Variants in ADGRB3 observed in about 807,000 individuals in gnomAD.
ADGRB3 encodes brain-specific angiogenesis inhibitor 3.
ADGRB3 carries 37 observed loss-of-function variants against 193.4 expected under a neutral mutation model. That is an observed-to-expected ratio of 0.19 (90% CI 0.15 to 0.25). ADGRB3 has a LOEUF of 0.25. ADGRB3 is among the 10% of genes least tolerant of loss of function. The pLI, the probability that ADGRB3 is intolerant of heterozygous loss-of-function variation, is 1.00. For missense variants in ADGRB3, 1,637 were observed against 1,852.9 expected (o/e 0.88, Z 2.14); for synonymous variants, 690 against 644.2 (o/e 1.07, Z -1.08).
At chr6:68,891,703 C>G (rs1166978192) in intron 3 of ADGRB3, among the ~76,000 whole-genome samples, 1 of 152,036 alleles carries the variant, frequency 6.6e-6, no homozygotes, top group Non-Finnish European at 1.5e-5. Flanking sequence ...TGAATTTAAC[C>G]CACCTTCATA....
At chr6:69,380,012 T>A (rs1357911541) in intron 30 of ADGRB3, among the ~76,000 whole-genome samples, 1 of 152,006 alleles carries the variant, frequency 6.6e-6, no homozygotes, top group African/African-American at 2.4e-5. Context: ...TAACTTTATA[T>A]TTTTCCTGTA....
At chr6:69,365,313 C>T (rs1324018218) in intron 29 of ADGRB3, among the ~76,000 whole-genome samples, 1 of 151,970 alleles carries the variant, frequency 6.6e-6, no homozygotes, top group Non-Finnish European at 1.5e-5. Context: ...TTGGAAGCAC[C>T]TTGTATGTCT....
chr6:69,063,290 A>G (rs570386635), intron 16 of ADGRB3, among the ~76,000 whole-genome samples: 19 of 152,140 alleles, frequency 1.2e-4, no homozygotes, highest in Admixed American at 3.9e-4. Context: ...TGCTTTTTTC[A>G]TGATAAAATT....
At chr6:68,754,254 A>T (rs1766258316) in intron 3 of ADGRB3, among the ~76,000 whole-genome samples, 1 of 152,132 alleles carries the variant, frequency 6.6e-6, no homozygotes, top group South Asian at 2.1e-4. Context: ...GGAAAATTAG[A>T]CTTTTGTTAG....
At chr6:68,923,616 A>G (rs975187310) in intron 3 of ADGRB3, among the ~76,000 whole-genome samples, 4 of 152,120 alleles carry the variant, frequency 2.6e-5, no homozygotes, top group African/African-American at 9.7e-5. Context: ...AAATATGTAT[A>G]CAGTGATATT....
chr6:69,328,648 C>T (rs1312261098), intron 22 of ADGRB3, among the ~76,000 whole-genome samples: 1 of 152,066 alleles, frequency 6.6e-6, no homozygotes, highest in Admixed American at 6.6e-5. Flanking sequence ...GCCAATTAGA[C>T]CCTCTGATAG....
intron 13 of ADGRB3, among the ~76,000 whole-genome samples, chr6:69,019,749 G>C (rs1225525325): frequency 2.0e-5 from 3 of 151,952 alleles, no homozygotes; most frequent in African/African-American, 7.2e-5. Flanking sequence ...CTTTTCTCCA[G>C]AGTGGGTGTC....
rs553768617 is a variant in ADGRB3 at position 69,338,855 on chromosome 6, AT to A, written c.3189-52del. On this transcript the variant is annotated intron_variant, in intron 24 of 31. Coordinates refer to ENST00000370598, the MANE Select transcript of ADGRB3 (RefSeq NM_001704.3). ...ATTTAAAAGCTAACTTGAAGCAGCAATTTTTTTTTGGTGACAATTCAATATT... is the reference window on the plus strand; with the variant it reads ...ATTTAAAAGCTAACTTGAAGCAGCAATTTTTTTTGGTGACAATTCAATATT... 1,370 of 1,374,758 alleles carry A rather than the reference AT, an allele frequency of 1.0e-3. 1 individual carries two copies. Among genetic ancestry groups the A allele is most frequent in the Admixed American group, 1.7e-3 (84 of 50,150 alleles). The allele number at this position is 1,374,758 out of a possible 1,614,324, so 85.2% of individuals were successfully genotyped here. A position where few individuals can be genotyped will look rare whatever the true frequency, so the allele number is the denominator to read the frequency against.
At chr6:68,868,911 A>ATGTGTGTGTGTGTGTGTGTGTGTG (rs375255522) in intron 3 of ADGRB3, among the ~76,000 whole-genome samples, 6 of 139,848 alleles carry the variant, frequency 4.3e-5, no homozygotes, top group African/African-American at 1.6e-4. Flanking sequence ...CCAGATAATG[A>ATGTGTGTGTGTGTGTGTGTGTGTG]TGTGTGTGTG....
chr6:69,256,600 T>G (rs1468514598), intron 20 of ADGRB3, among the ~76,000 whole-genome samples: 1 of 152,146 alleles, frequency 6.6e-6, no homozygotes, highest in Non-Finnish European at 1.5e-5. Context: ...AAGGAGATTT[T>G]GGGCTGAGAC....
chr6:68,788,839 T>C (rs1767033539), intron 3 of ADGRB3, among the ~76,000 whole-genome samples: 1 of 152,240 alleles, frequency 6.6e-6, no homozygotes, highest in South Asian at 2.1e-4. Flanking sequence ...TGGGTGCTCC[T>C]GTATTGGGTG....
At chr6:69,274,808 C>T (rs1175995812) in intron 20 of ADGRB3, among the ~76,000 whole-genome samples, 1 of 151,988 alleles carries the variant, frequency 6.6e-6, no homozygotes, top group Non-Finnish European at 1.5e-5. Flanking sequence ...TCTTTCTTTC[C>T]ATCTGCTTCT....
At chr6:69,237,904 C>G (rs1766303272) in intron 19 of ADGRB3, among the ~76,000 whole-genome samples, 1 of 152,036 alleles carries the variant, frequency 6.6e-6, no homozygotes, top group African/African-American at 2.4e-5. Context: ...GGTTCAGCAA[C>G]CCTGAGGCCA....
At chr6:69,361,650 G>T in intron 29 of ADGRB3, 138 bp downstream of exon 29, 1 of 1,077,854 alleles carries the variant, frequency 9.3e-7, no homozygotes, top group Non-Finnish European at 1.3e-6. Flanking sequence ...TTGCAGTTTT[G>T]TATCATGAAA....
At chr6:68,771,711 A>C (rs1315215108) in intron 3 of ADGRB3, among the ~76,000 whole-genome samples, 1 of 152,126 alleles carries the variant, frequency 6.6e-6, no homozygotes. Context: ...GTCATGAAGA[A>C]AAATATAGCA....
At chr6:68,652,112 T>G (rs1768380358) in intron 3 of ADGRB3, among the ~76,000 whole-genome samples, 1 of 152,116 alleles carries the variant, frequency 6.6e-6, no homozygotes, top group South Asian at 2.1e-4. Flanking sequence ...CCACCCCTTA[T>G]GCAAGTCTTC....
chr6:68,897,493 G>A (rs1278763695), intron 3 of ADGRB3, among the ~76,000 whole-genome samples: 2 of 110,938 alleles, frequency 1.8e-5, no homozygotes, highest in African/African-American at 6.9e-5. Context: ...GAGGAAGGGA[G>A]GGAGGGAAGA....
chr6:68,951,528 G>A (rs1357849247), intron 6 of ADGRB3, among the ~76,000 whole-genome samples: 1 of 152,090 alleles, frequency 6.6e-6, no homozygotes, highest in Non-Finnish European at 1.5e-5. Context: ...TATCACCACA[G>A]CTCCCCCGTG....
At chr6:68,722,713 T>A (rs1319809204) in intron 3 of ADGRB3, among the ~76,000 whole-genome samples, 2 of 151,666 alleles carry the variant, frequency 1.3e-5, no homozygotes, top group Non-Finnish European at 3.0e-5. Flanking sequence ...TTATTTTTTT[T>A]AAATAATGTG....
Sources: allele counts gnomAD v4.1 joint callset (sites outside exome capture counted in the v4.1 genomes callset), GRCh38; gene constraint gnomAD v4.1.1; transcripts MANE v1.5; gene names NCBI Gene and HGNC (gene_info 2026-07-23, HGNC 2026-07-21).